SHROOM3: variants seen among roughly 807,000 people sequenced by gnomAD.
SHROOM3 encodes shroom family member 3.
In SHROOM3, 47 loss-of-function variants were observed where a neutral mutation model predicts 138.6. The observed-to-expected ratio is 0.34, with a 90% CI of 0.27 to 0.43. The LOEUF (loss-of-function observed/expected upper bound fraction) is 0.43, where lower values mean the gene tolerates loss of function less well. Ranked by LOEUF, SHROOM3 falls within the 20% of genes least tolerant of loss-of-function variation. The pLI, the probability that SHROOM3 is intolerant of heterozygous loss-of-function variation, is 1.00. For missense variants in SHROOM3, 2,491 were observed against 2,596.5 expected (o/e 0.96, Z 0.88); for synonymous variants, 1,062 against 1,063.3 (o/e 1.00, Z 0.02).
At chr4:76,631,302 G>T (rs1328026187) in intron 2 of SHROOM3, among the ~76,000 whole-genome samples, 3 of 146,268 alleles carry the variant, frequency 2.1e-5, no homozygotes, top group Non-Finnish European at 4.5e-5. Context: ...TCTACCTCTG[G>T]GTTCAAGTAA....
intron 2 of SHROOM3, among the ~76,000 whole-genome samples, chr4:76,665,622 C>T (rs765861522): frequency 2.0e-5 from 3 of 152,154 alleles, no homozygotes; most frequent in Non-Finnish European, 2.9e-5. Context: ...TTTAAGCTTA[C>T]CTATTTTATT....
intron 2 of SHROOM3, among the ~76,000 whole-genome samples, chr4:76,653,408 G>A (rs1204353447): frequency 6.6e-6 from 1 of 151,634 alleles, no homozygotes; most frequent in Non-Finnish European, 1.5e-5. Context: ...GACAACCCAG[G>A]TGTCTCCAGA....
chr4:76,614,045 GTTTGTT>G (rs1734821153), intron 2 of SHROOM3, among the ~76,000 whole-genome samples: 1 of 151,452 alleles, frequency 6.6e-6, no homozygotes, highest in Non-Finnish European at 1.5e-5. Flanking sequence ...TTGTTTGTTT[GTTTGTT>G]TGTTTGTTTG....
At chr4:76,545,649 T>A (rs1361734099) in intron 1 of SHROOM3, among the ~76,000 whole-genome samples, 1 of 152,184 alleles carries the variant, frequency 6.6e-6, no homozygotes, top group Non-Finnish European at 1.5e-5. Context: ...AGAAAAGTAT[T>A]AAACCTTTAA....
intron 2 of SHROOM3, among the ~76,000 whole-genome samples, chr4:76,582,084 C>A (rs1734063204): frequency 6.6e-6 from 1 of 152,172 alleles, no homozygotes; most frequent in South Asian, 2.1e-4. Context: ...TGATAAAAAT[C>A]AAAAACCTCT....
At chr4:76,713,392 C>G (rs1720287686) in intron 3 of SHROOM3, among the ~76,000 whole-genome samples, 1 of 152,052 alleles carries the variant, frequency 6.6e-6, no homozygotes, top group South Asian at 2.1e-4. Context: ...ACACTCTAGC[C>G]TAGGCCAAAC....
chr4:76,675,151 C>T (rs1179786835), intron 2 of SHROOM3, among the ~76,000 whole-genome samples: 2 of 152,104 alleles, frequency 1.3e-5, no homozygotes, highest in East Asian at 1.9e-4. Flanking sequence ...TGAATATGAA[C>T]ATAGACCAGA....
chr4:76,710,230 G>T lies in SHROOM3; in HGVS notation c.398G>T (p.Gly133Val), dbSNP rs1211746334. The T allele has an allele frequency of 2.5e-6, 4 of 1,614,070 alleles. No homozygotes were observed. The highest frequency in any genetic ancestry group is 2.2e-5 in the East Asian group (1 of 44,872). Residue 133 changes from glycine (G) to valine (V), a missense_variant, in exon 3 of 11, where the codon GGC (glycine) becomes GTC (valine). Around this residue, in one of 4 missense-constraint regions of SHROOM3, gnomAD observed 284 missense variants for 322.8 expected, o/e 0.88. Transcript: ENST00000296043. ...GTCAGCCCAGAACACCTCACCTCTG[G>T]CCCCCAGCACAGGAAAGCAGCGTGG... ...NFVSPEHLTS[G>V]PQHRKAAWSG...
At position 76,534,740 on chromosome 4, in the gene SHROOM3, T is replaced by C. The variant is rs76985675; in HGVS notation, c.169-20869T>C. Among the ~76,000 whole-genome samples the C allele has an allele frequency of 5.9e-5, 9 of 152,200 alleles. No individual in the cohort carries two copies. In the East Asian group the frequency reaches 1.4e-3, roughly 23 times the overall value. Reference sequence around the variant, plus strand: ...CAATCTCTGATGGGTACTCTACCCATTGTCCTGGGCCTACCTATCCACAGA... The same window carrying C: ...CAATCTCTGATGGGTACTCTACCCACTGTCCTGGGCCTACCTATCCACAGA... On this transcript the variant is annotated intron_variant, in intron 1 of 10. Transcript: ENST00000296043.
At chr4:76,689,695 C>T (rs1440625068) in intron 2 of SHROOM3, 2 of 985,352 alleles carry the variant, frequency 2.0e-6, no homozygotes, top group Non-Finnish European at 1.2e-6. Context: ...GCGAGGCGAG[C>T]GGCGATGGTG....
chr4:76,548,328 G>A (rs1311339853), intron 1 of SHROOM3, among the ~76,000 whole-genome samples: 1 of 152,172 alleles, frequency 6.6e-6, no homozygotes, highest in East Asian at 1.9e-4. Context: ...TCTCTTCTAA[G>A]TGTGATGAGG....
chr4:76,768,160 C>G (rs1219833857), intron 9 of SHROOM3, among the ~76,000 whole-genome samples: 1 of 152,192 alleles, frequency 6.6e-6, no homozygotes, highest in Non-Finnish European at 1.5e-5. Flanking sequence ...CATTATCTGT[C>G]TGAAAAACAG....
chr4:76,560,111 A>G (rs1290174573), intron 2 of SHROOM3, among the ~76,000 whole-genome samples: 2 of 152,250 alleles, frequency 1.3e-5, no homozygotes, highest in African/African-American at 2.4e-5. Flanking sequence ...GAAAGCAGAC[A>G]TGGACACGAA....
At chr4:76,438,098 CAT>C (rs543053153) in intron 1 of SHROOM3, among the ~76,000 whole-genome samples, 144 of 152,286 alleles carry the variant, frequency 9.5e-4, no homozygotes, top group African/African-American at 3.3e-3. Flanking sequence ...TTCTAGCAGA[CAT>C]GTGTAGTAGG....
At chr4:76,688,534 G>T in intron 2 of SHROOM3, 1 of 985,326 alleles carries the variant, frequency 1.0e-6, no homozygotes, top group Non-Finnish European at 1.2e-6. Context: ...AAACCTTACT[G>T]TTACTTTCAT....
intron 8 of SHROOM3, chr4:76,757,189 ACATTG>A: frequency 2.0e-6 from 1 of 496,582 alleles, no homozygotes; most frequent in East Asian, 3.7e-5. Flanking sequence ...TGTGTGTCAA[ACATTG>A]TATTAATTTA....
intron 2 of SHROOM3, among the ~76,000 whole-genome samples, chr4:76,658,951 C>T (rs898909788): frequency 2.0e-5 from 3 of 151,676 alleles, no homozygotes; most frequent in Non-Finnish European, 4.4e-5. Flanking sequence ...GAATGTGTAA[C>T]TAATTTGTGG....
At chr4:76,621,166 A>C (rs1031497642) in intron 2 of SHROOM3, among the ~76,000 whole-genome samples, 6 of 151,886 alleles carry the variant, frequency 4.0e-5, no homozygotes, top group African/African-American at 1.5e-4. Flanking sequence ...AAAACAAAAA[A>C]CTTCCTGTCA....
chr4:76,729,388 C>T (rs1720807197), intron 3 of SHROOM3, among the ~76,000 whole-genome samples: 1 of 152,012 alleles, frequency 6.6e-6, no homozygotes, highest in Admixed American at 6.5e-5. Context: ...CAGACTCCTT[C>T]AATTCAGTAA....
Sources: allele counts gnomAD v4.1 joint callset (sites outside exome capture counted in the v4.1 genomes callset), GRCh38; gene constraint gnomAD v4.1.1; regional missense constraint gnomAD v4.1.1; transcripts MANE v1.5; gene names NCBI Gene and HGNC (gene_info 2026-07-23, HGNC 2026-07-21).